Variants in CYP19A1 observed in about 807,000 individuals in gnomAD.
The protein encoded by CYP19A1 is aromatase.
In CYP19A1, 32 loss-of-function variants were observed where a neutral mutation model predicts 44.4. The ratio of observed to expected loss-of-function variants is 0.72; its 90% CI spans 0.54 to 0.97. The LOEUF (loss-of-function observed/expected upper bound fraction) is 0.97. Among genes scored for constraint, CYP19A1 ranks in the 50% least tolerant of loss-of-function variants. The probability of loss-of-function intolerance (pLI) is 0.00; values close to 1 mark genes in which losing one functional copy is unlikely to be tolerated. For synonymous variants in CYP19A1, 212 were observed against 215.6 expected, an observed-to-expected ratio of 0.98 and a Z score of 0.14; for missense variants, 598 against 637.8, an observed-to-expected ratio of 0.94 and a Z score of 0.67.
chr15:51,239,635 A>T (rs932173708), intron 2 of CYP19A1, among the ~76,000 whole-genome samples: 2 of 123,760 alleles, frequency 1.6e-5, no homozygotes, highest in Non-Finnish European at 3.3e-5. Context: ...GTAAAATGAT[A>T]AAAAAAAAAA....
At chr15:51,214,110 C>A (rs993859823) in intron 8 of CYP19A1, among the ~76,000 whole-genome samples, 1 of 152,138 alleles carries the variant, frequency 6.6e-6, no homozygotes, top group Non-Finnish European at 1.5e-5. Flanking sequence ...AAGATGATGC[C>A]CTTCTACAAC....
At chr15:51,212,663 T>C in intron 8 of CYP19A1, 102 bp from the exon 9 acceptor site, 1 of 796,098 alleles carries the variant, frequency 1.3e-6, no homozygotes. Flanking sequence ...TGCTCTTGGT[T>C]GAAAAAAATT....
rs549638949 is a variant in CYP19A1, at chr15:51,294,135, T to G, written c.-39+44360A>C. On this transcript the variant is annotated intron_variant, in intron 1 of 9. Coordinates refer to ENST00000396402, the MANE Select transcript of CYP19A1 (RefSeq NM_000103.4). ...AGGAGCGTCTCTGCCCGGCTGCCCA[T>G]CGTCTGGGATGTGAGGAGCCCCTCT... Among the ~76,000 whole-genome samples the G allele has an allele frequency of 2.7e-3, 343 of 126,602 alleles. 19 individuals carry two copies. The highest frequency in any genetic ancestry group is 4.4e-3 in the Non-Finnish European group (283 of 64,568). 83.1% of individuals were successfully genotyped at this position (126,602 alleles called of 152,430 possible).
At chr15:51,310,545 G>T (rs979875027) in intron 1 of CYP19A1, among the ~76,000 whole-genome samples, 1 of 152,084 alleles carries the variant, frequency 6.6e-6, no homozygotes, top group Non-Finnish European at 1.5e-5. Context: ...AAACTGTATC[G>T]CCATCACCTT....
intron 1 of CYP19A1, chr15:51,318,333 G>C (rs1219084681): frequency 6.6e-6 from 1 of 152,236 alleles, no homozygotes; most frequent in African/African-American, 2.4e-5. Context: ...TGTTTGTTCA[G>C]CTCCAAAGAT....
At chr15:51,300,566 G>A (rs550712342) in intron 1 of CYP19A1, among the ~76,000 whole-genome samples, 1 of 152,226 alleles carries the variant, frequency 6.6e-6, no homozygotes, top group Admixed American at 6.5e-5. Context: ...AGACCACAAA[G>A]GTGCTGCTCC....
chr15:51,249,133 T>A (rs566328407), intron 1 of CYP19A1, among the ~76,000 whole-genome samples: 3 of 151,932 alleles, frequency 2.0e-5, no homozygotes, highest in African/African-American at 7.2e-5. Context: ...AGAGACAGAG[T>A]TATCATCATG....
chr15:51,250,314 A>T (rs1473023794), intron 1 of CYP19A1, among the ~76,000 whole-genome samples: 1 of 152,172 alleles, frequency 6.6e-6, no homozygotes, highest in Non-Finnish European at 1.5e-5. Context: ...TTCTAGCACA[A>T]CACCTCCCCA....
At chr15:51,264,376 G>T (rs1338816327) in intron 1 of CYP19A1, among the ~76,000 whole-genome samples, 1 of 152,178 alleles carries the variant, frequency 6.6e-6, no homozygotes, top group Non-Finnish European at 1.5e-5. Context: ...GATGGCAGGA[G>T]TCGGGGGGGA....
chr15:51,253,159 G>A (rs890778063), intron 1 of CYP19A1, among the ~76,000 whole-genome samples: 6 of 152,250 alleles, frequency 3.9e-5, no homozygotes, highest in African/African-American at 1.2e-4. Context: ...GAAAAAAATG[G>A]GGGAAATAGT....
At chr15:51,214,567 A>G (rs1304056605) in intron 8 of CYP19A1, among the ~76,000 whole-genome samples, 2 of 152,248 alleles carry the variant, frequency 1.3e-5, no homozygotes, top group Admixed American at 1.3e-4. Context: ...TATAAATGAT[A>G]GACTATCACT....
intron 1 of CYP19A1, among the ~76,000 whole-genome samples, chr15:51,317,530 G>A (rs1374110348): frequency 4.6e-5 from 7 of 152,174 alleles, no homozygotes; most frequent in African/African-American, 1.7e-4. Flanking sequence ...ATGCTGCAGG[G>A]GATGCAAAGG....
rs532720913 is a variant in CYP19A1 at position 51,269,729 on chromosome 15, A to G, written c.-38-26779T>C. On this transcript the variant is annotated intron_variant, in intron 1 of 9. Coordinates refer to ENST00000396402, the MANE Select transcript of CYP19A1 (RefSeq NM_000103.4). ...CAAGGCAGGACTCTTCCAACAGGCA[A>G]TCTTTGCTTGGGGGTTCCCTACTGC... Among the ~76,000 whole-genome samples, 8 of 152,294 alleles carry G rather than the reference A, an allele frequency of 5.3e-5. No individual in the cohort carries two copies. In the East Asian group the frequency reaches 7.7e-4, roughly 15 times the overall value.
chr15:51,306,359 T>G (rs936460182), intron 1 of CYP19A1, among the ~76,000 whole-genome samples: 2 of 152,222 alleles, frequency 1.3e-5, no homozygotes, highest in African/African-American at 4.8e-5. Context: ...TTCTTTCTTC[T>G]TTTTTACATT....
At chr15:51,308,876 T>A (rs185322487) in intron 1 of CYP19A1, among the ~76,000 whole-genome samples, 9 of 152,258 alleles carry the variant, frequency 5.9e-5, no homozygotes, top group African/African-American at 1.2e-4. Flanking sequence ...ATGCACAGGG[T>A]ACCCTTGCTG....
intron 1 of CYP19A1, among the ~76,000 whole-genome samples, chr15:51,332,304 G>T (rs1047630973): frequency 2.2e-4 from 34 of 152,006 alleles, no homozygotes; most frequent in African/African-American, 8.0e-4. Flanking sequence ...CTCCTCTCCT[G>T]CTGTTCCTCC....
chr15:51,271,073 G>T (rs2035109230), intron 1 of CYP19A1, among the ~76,000 whole-genome samples: 1 of 151,746 alleles, frequency 6.6e-6, no homozygotes, highest in African/African-American at 2.4e-5. Context: ...TGCTGCCTTT[G>T]CAGAGAACGT....
At chr15:51,247,494 G>A (rs1444322201) in intron 1 of CYP19A1, among the ~76,000 whole-genome samples, 2 of 151,964 alleles carry the variant, frequency 1.3e-5, no homozygotes, top group Non-Finnish European at 2.9e-5. Flanking sequence ...TATTGAGACA[G>A]AGTCTTGCTC....
rs139966762 is a variant in CYP19A1, at chr15:51,273,773, A to G, written c.-38-30823T>C. The stretch of plus-strand genomic sequence containing the variant: ...GTAATCCCAGCACTTTGGGAGGCCA[A>G]GGTGGGTGGATCACCTGAGGTCAGG... On this transcript the variant is annotated intron_variant, in intron 1 of 9. Coordinates refer to ENST00000396402, the MANE Select transcript of CYP19A1 (RefSeq NM_000103.4). Among the ~76,000 whole-genome samples the G allele has an allele frequency of 8.5e-5, 13 of 152,322 alleles. 1 individual carries two copies. The highest frequency in any genetic ancestry group is 2.6e-4 in the African/African-American group (11 of 41,588).
Sources: allele counts gnomAD v4.1 joint callset (sites outside exome capture counted in the v4.1 genomes callset), GRCh38; gene constraint gnomAD v4.1.1; transcripts MANE v1.5; gene names NCBI Gene and HGNC (gene_info 2026-07-23, HGNC 2026-07-21).